Variants in CENATAC observed in about 807,000 individuals in gnomAD.
CENATAC encodes the protein centrosomal AT-AC splicing factor.
CENATAC carries 53 observed loss-of-function variants against 53.7 expected under a neutral mutation model. The ratio of observed to expected loss-of-function variants is 0.99; its 90% CI spans 0.79 to 1.24. The LOEUF is 1.24. Ranked by LOEUF, CENATAC falls within the 50% of genes most tolerant of loss-of-function variation. CENATAC has a pLI of 0.00. For missense variants in CENATAC, 474 were observed against 417.8 expected, an observed-to-expected ratio of 1.13 and a Z score of -1.17; for synonymous variants, 156 against 144.6, an observed-to-expected ratio of 1.08 and a Z score of -0.57.
At chr11:119,014,078 C>T (rs1403304316) in intron 8 of CENATAC, 1 of 152,192 alleles carries the variant, frequency 6.6e-6, no homozygotes, top group Admixed American at 6.6e-5. Flanking sequence ...TTGGGATACA[C>T]CTACCACATT....
intron 3 of CENATAC, chr11:119,003,333 G>A (rs1565660485): frequency 1.1e-5 from 6 of 533,998 alleles, no homozygotes; most frequent in East Asian, 5.0e-5. Flanking sequence ...AGTGATACGC[G>A]GATCTTCTTT....
intron 3 of CENATAC, among the ~76,000 whole-genome samples, chr11:119,000,922 G>GTGCATGGAT (rs1161741181): frequency 1.3e-5 from 2 of 151,964 alleles, no homozygotes; most frequent in African/African-American, 4.8e-5. Flanking sequence ...TTTTGTCAAT[G>GTGCATGGAT]TGCATGGATT....
intron 3 of CENATAC, chr11:119,001,522 G>A: frequency 2.4e-6 from 1 of 424,338 alleles, no homozygotes; most frequent in South Asian, 1.7e-5. Context: ...CTGGATTTGT[G>A]TATTTTATGG....
At chr11:119,002,224 C>CAAAAAAA (rs782664366) in intron 3 of CENATAC, among the ~76,000 whole-genome samples, 25 of 49,498 alleles carry the variant, frequency 5.1e-4, no homozygotes, top group Non-Finnish European at 6.5e-4. Flanking sequence ...AACTCTGTCT[C>CAAAAAAA]AAAAAAAAAA....
chr11:118,998,320 G>T lies in CENATAC; in HGVS notation c.120+3G>T. ...CTTTGGAGAGGCTCCTGCCCCAGGT[G>T]CGGAGGCAAGGCTAGAGATGGGATG... On this transcript the variant is annotated splice_donor_region_variant and intron_variant, in intron 1 of 10. Coordinates refer to ENST00000334418, the MANE Select transcript of CENATAC (RefSeq NM_198489.3). 3 of 1,610,392 alleles carry T rather than the reference G, an allele frequency of 1.9e-6. No individual in the cohort carries two copies. Among genetic ancestry groups the T allele is most frequent in the Non-Finnish European group, 2.5e-6 (3 of 1,178,382 alleles).
rs1943135506 is a variant in CENATAC, at chr11:119,015,684, T to C, written c.*86T>C. 3 of 1,436,050 alleles carry C rather than the reference T, an allele frequency of 2.1e-6. No individual in the cohort carries two copies. Among genetic ancestry groups the C allele is most frequent in the East Asian group, 4.6e-5 (2 of 43,664 alleles). 89.0% of individuals were successfully genotyped at this position (1,436,050 alleles called of 1,614,324 possible). ...TTCCACCAAATTCTTTATCATTGTC[T>C]TTCTTAGGAAACAGACATACTCATT... is the stretch of plus-strand genomic sequence containing the variant. On this transcript the variant is annotated 3_prime_UTR_variant, in exon 11 of 11. Coordinates refer to ENST00000334418, the MANE Select transcript of CENATAC (RefSeq NM_198489.3).
intron 3 of CENATAC, among the ~76,000 whole-genome samples, chr11:119,006,810 A>G (rs1214187741): frequency 2.6e-5 from 4 of 152,248 alleles, no homozygotes; most frequent in Non-Finnish European, 5.9e-5. Flanking sequence ...TAACTGAATC[A>G]TGGGGGCGTT....
intron 8 of CENATAC, chr11:119,014,754 C>T (rs1338129981): frequency 2.1e-5 from 7 of 331,928 alleles, no homozygotes; most frequent in Non-Finnish European, 1.1e-5. Context: ...TCAAAAGTCA[C>T]CAAATTTAAG....
chr11:119,015,239 A>G (rs201765850), intron 9 of CENATAC, 68 bp from the exon 10 acceptor site: 1 of 1,516,998 alleles, frequency 6.6e-7, no homozygotes, highest in East Asian at 2.3e-5. Context: ...CAGCCTGGAC[A>G]ACATAGTGAG....
chr11:119,015,510 A>G, intron 10 of CENATAC, 28 bp from the exon 11 acceptor site: 1 of 1,614,108 alleles, frequency 6.2e-7, no homozygotes, highest in Non-Finnish European at 8.5e-7. Flanking sequence ...ACCCTTCATC[A>G]TCGTGTTAAC....
At chr11:119,015,281 A>T in intron 9 of CENATAC, 26 bp from the exon 10 acceptor site, 1 of 1,583,850 alleles carries the variant, frequency 6.3e-7, no homozygotes, top group Non-Finnish European at 8.6e-7. Context: ...ATAAAGAAAA[A>T]TAAAAGTTTC....
At chr11:119,008,434 C>T (rs1161380113) in intron 3 of CENATAC, among the ~76,000 whole-genome samples, 1 of 152,154 alleles carries the variant, frequency 6.6e-6, no homozygotes, top group African/African-American at 2.4e-5. Context: ...TGCACGTAGG[C>T]CAGACTTATG....
intron 9 of CENATAC, 66 bp downstream of exon 9, chr11:119,015,149 TGTGTG>T: frequency 6.7e-7 from 1 of 1,481,932 alleles, no homozygotes; most frequent in Non-Finnish European, 9.4e-7. Context: ...TCCTTGCCTG[TGTGTG>T]GTGGCTCATG....
rs564551696 is a variant in CENATAC at position 119,006,075 on chromosome 11, A to ATTTTTTTTTTTTTTT, written c.384-4673_384-4659dup. The ATTTTTTTTTTTTTTT allele has an allele frequency of 1.5e-4, 9 of 58,510 alleles. 2 individuals carry two copies. Among genetic ancestry groups the ATTTTTTTTTTTTTTT allele is most frequent in the African/African-American group, 6.7e-4 (9 of 13,456 alleles). The allele number at this position is 58,510 out of a possible 1,614,324, so 3.6% of individuals were successfully genotyped here. A position where few individuals can be genotyped will look rare whatever the true frequency, so the allele number is the denominator to read the frequency against. ...TGCCTTGGCCTTCAGAGTAGGCAGG[A>ATTTTTTTTTTTTTTT]TTTTTTTTTTTTTTTTTTTTTTTTT... On this transcript the variant is annotated intron_variant, in intron 3 of 10. Transcript: ENST00000334418.
Position 119,015,336 on chromosome 11 carries a change from C to T in CENATAC, c.835C>T (p.Pro279Ser), listed in dbSNP as rs373690810. 3 of 1,613,698 alleles carry T rather than the reference C, an allele frequency of 1.9e-6. No individual in the cohort carries two copies. Among genetic ancestry groups the T allele is most frequent in the African/African-American group, 2.7e-5 (2 of 74,900 alleles). ...KEKQKLKKLP[P>S]DRVGANFDHS... ...AAAACAGAAGTTGAAAAAACTCCCC[C>T]CAGACCGAGTTGGGGCCAACTTTGA... The change falls in exon 10 of 11, where the codon CCA becomes TCA. Residue 279 changes from proline (P) to serine (S), a missense_variant. Transcript: ENST00000334418.
In CENATAC at chr11:118,998,476, A is replaced by C. The variant is rs782554719; in HGVS notation, c.167A>C (p.Tyr56Ser). 2 of 1,613,218 alleles carry C rather than the reference A, an allele frequency of 1.2e-6. No homozygotes were observed. Among genetic ancestry groups the C allele is most frequent in the Middle Eastern group, 1.6e-4 (1 of 6,080 alleles). ...ATCCGCGCCGCTCAGGTGGAGCGCT[A>C]TGTGCCCGAACACGAGCGATGCTGC... ...KAIRAAQVER[Y>S]VPEHERCCWC... is the part of the protein sequence containing the mutation. Residue 56 changes from tyrosine to serine, a missense_variant, in exon 2 of 11, where the codon TAT becomes TCT. By Grantham distance (144) the Tyr-to-Ser change is moderately radical. Transcript: ENST00000334418.
In CENATAC at chr11:119,015,086, A is replaced by G; in HGVS notation, c.805+3A>G. 2 of 1,595,780 alleles carry G rather than the reference A, an allele frequency of 1.3e-6. No individual in the cohort carries two copies. Among genetic ancestry groups the G allele is most frequent in the Non-Finnish European group, 1.7e-6 (2 of 1,167,666 alleles). On this transcript the variant is annotated splice_donor_region_variant and intron_variant, in intron 9 of 10. Transcript: ENST00000334418. ...CTATGAAGAATTTCTTAAAGAAAGT[A>G]AGTAAACTAATTCAAGAGAGGATCG...
intron 8 of CENATAC, 36 bp from the exon 9 acceptor site, chr11:119,014,958 T>TAA (rs10680026): frequency 0.072 from 83,814 of 1,157,796 alleles, 2,469 homozygotes; most frequent in African/African-American, 0.26. Context: ...CCTGAAGACT[T>TAA]AAAAAAAAAA....
chr11:119,012,363 T>TTTCC (rs1942909866), intron 7 of CENATAC, 109 bp downstream of exon 7: 1 of 1,224,380 alleles, frequency 8.2e-7, no homozygotes, highest in Non-Finnish European at 1.1e-6. Context: ...ACTGCAGGCT[T>TTTCC]TTCCTTCTTC....
Sources: allele counts gnomAD v4.1 joint callset (sites outside exome capture counted in the v4.1 genomes callset), GRCh38; gene constraint gnomAD v4.1.1; transcripts MANE v1.5; gene names NCBI Gene and HGNC (gene_info 2026-07-23, HGNC 2026-07-21).